Variants in RNF185 observed in about 807,000 individuals in gnomAD.
RNF185 encodes the protein E3 ubiquitin-protein ligase RNF185.
In RNF185, 13 loss-of-function variants were observed where a neutral mutation model predicts 24.9. The ratio of observed to expected loss-of-function variants is 0.52; its 90% CI spans 0.34 to 0.83. The LOEUF (loss-of-function observed/expected upper bound fraction) is 0.83, where lower values mean the gene tolerates loss of function less well. Ranked by LOEUF, RNF185 falls within the 40% of genes least tolerant of loss-of-function variation. The pLI, the probability that RNF185 is intolerant of heterozygous loss-of-function variation, is 0.01. For missense variants in RNF185, 184 were observed against 244.7 expected, an observed-to-expected ratio of 0.75 and a Z score of 1.65; for synonymous variants, 79 against 90.3, an observed-to-expected ratio of 0.88 and a Z score of 0.71.
At position 31,204,498 on chromosome 22, in the gene RNF185, G is replaced by A; in HGVS notation, c.491G>A (p.Gly164Glu). Residue 164 changes from glycine to glutamate, a missense_variant, in exon 7 of 7, where the codon GGG becomes GAG. Transcript: ENST00000326132. The part of the protein sequence containing the change: ...NDGRPPPAVP[G>E]TPQYVDEQFL... The stretch of plus-strand genomic sequence containing the variant: ...CTTTCTGTCTCTCCAGCTGTCCCTG[G>A]GACACCCCAGTATGTGGACGAGCAG... The A allele has an allele frequency of 1.2e-6, 2 of 1,608,526 alleles. No individual in the cohort carries two copies. Among genetic ancestry groups the A allele is most frequent in the Non-Finnish European group, 1.7e-6 (2 of 1,175,034 alleles).
intron 1 of RNF185, among the ~76,000 whole-genome samples, chr22:31,184,995 T>TTA (rs1429172684): frequency 1.3e-5 from 2 of 149,802 alleles, no homozygotes; most frequent in Non-Finnish European, 3.0e-5. Flanking sequence ...TTTTTTTTTT[T>TTA]AAAAAGAAAC....
chr22:31,180,676 C>T (rs2048026209), intron 1 of RNF185, among the ~76,000 whole-genome samples: 1 of 152,004 alleles, frequency 6.6e-6, no homozygotes, highest in Non-Finnish European at 1.5e-5. Context: ...CAGGCATGAG[C>T]CACCATGCCT....
chr22:31,177,461 A>G (rs746157344), intron 1 of RNF185, among the ~76,000 whole-genome samples: 2 of 152,120 alleles, frequency 1.3e-5, no homozygotes, highest in Non-Finnish European at 2.9e-5. Flanking sequence ...CTAGGAACCT[A>G]AACACCACTT....
chr22:31,164,732 G>A (rs534707909), intron 1 of RNF185, among the ~76,000 whole-genome samples: 12 of 150,868 alleles, frequency 8.0e-5, no homozygotes, highest in African/African-American at 1.2e-4. Context: ...AATTACAGGC[G>A]TGTGCCACCA....
chr22:31,171,129 A>G (rs2047924773), intron 1 of RNF185, among the ~76,000 whole-genome samples: 1 of 149,938 alleles, frequency 6.7e-6, no homozygotes, highest in Non-Finnish European at 1.5e-5. Flanking sequence ...CTCCTTGAGC[A>G]CAGGAACCAG....
intron 1 of RNF185, among the ~76,000 whole-genome samples, chr22:31,160,984 T>C (rs1158798284): frequency 1.3e-5 from 2 of 152,216 alleles, no homozygotes; most frequent in Non-Finnish European, 2.9e-5. Context: ...CATTCTTCGC[T>C]TTGAGGCAGC....
rs1272585953 is a variant in RNF185 at position 31,160,227 on chromosome 22, A to T, written c.-125A>T. The T allele has an allele frequency of 6.6e-6, 1 of 150,670 alleles. No individual in the cohort carries two copies. The highest frequency in any genetic ancestry group is 1.5e-5 in the Non-Finnish European group (1 of 67,514). The allele number at this position is 150,670 out of a possible 1,614,324, so 9.3% of individuals were successfully genotyped here. ...GGAGGGGTCGGAGGTCTTACCCAAC[A>T]GATTGACGCGGCGTTAGTATTGGCC... On this transcript the variant is annotated 5_prime_UTR_variant, in exon 1 of 7. Transcript: ENST00000326132.
Position 31,195,494 on chromosome 22 carries a change from A to G in RNF185, c.221A>G (p.Gln74Arg), listed in dbSNP as rs1187229076. ...HQWLETRPNR[Q>R]VCPVCKAGIS... The stretch of plus-strand genomic sequence containing the variant: ...TGGTTGGAGACCAGACCTAACAGAC[A>G]GGTGTGTCCTGTTTGCAAAGCTGGC... Residue 74 changes from glutamine to arginine, a missense_variant, in exon 4 of 7, where the codon CAG becomes CGG. Coordinates refer to ENST00000326132, the MANE Select transcript of RNF185 (RefSeq NM_152267.4). 5.6e-6 allele frequency: 9 copies of G among 1,609,220 alleles called. No homozygotes were observed. The highest frequency in any genetic ancestry group is 7.6e-6 in the Non-Finnish European group (9 of 1,177,984).
intron 2 of RNF185, among the ~76,000 whole-genome samples, chr22:31,191,249 C>T (rs191414634): frequency 6.6e-6 from 1 of 152,298 alleles, no homozygotes; most frequent in African/African-American, 2.4e-5. Flanking sequence ...GGGAACTTGC[C>T]AGTGGAGATC....
chr22:31,199,485 T>C (rs561077266), intron 5 of RNF185, among the ~76,000 whole-genome samples: 2 of 152,320 alleles, frequency 1.3e-5, no homozygotes, highest in African/African-American at 4.8e-5. Flanking sequence ...TTGACCAAAG[T>C]GCATACCTCT....
chr22:31,194,296 G>C (rs1000414298), intron 3 of RNF185, among the ~76,000 whole-genome samples: 5 of 152,094 alleles, frequency 3.3e-5, no homozygotes, highest in Admixed American at 3.3e-4. Flanking sequence ...AAAAATCAAT[G>C]AAAGTACACA....
rs552333884 is a variant in RNF185, at chr22:31,202,019, T to C, written c.481+404T>C. On this transcript the variant is annotated intron_variant, in intron 6 of 6. Transcript: ENST00000326132. ...CACATTTACTTCCCACTTTGACCAT[T>C]TGGGGGCCTGGAAATGTGAGATGAC... Among the ~76,000 whole-genome samples the C allele has an allele frequency of 6.6e-5, 10 of 152,256 alleles. No homozygotes were observed. In the Middle Eastern group the frequency reaches 0.01, roughly 155 times the overall value.
intron 4 of RNF185, 146 bp downstream of exon 4, chr22:31,195,727 GA>G (rs2048199800): frequency 3.2e-6 from 2 of 619,754 alleles, no homozygotes; most frequent in Admixed American, 5.7e-5. Context: ...AGTCAGCTAG[GA>G]GGGGAGGGAA....
intron 4 of RNF185, 113 bp downstream of exon 4, chr22:31,195,694 C>T (rs1298629444): frequency 8.6e-6 from 6 of 695,636 alleles, no homozygotes; most frequent in African/African-American, 3.6e-5. Flanking sequence ...CTCTTGGTTT[C>T]GAAGCAGTCT....
intron 3 of RNF185, among the ~76,000 whole-genome samples, chr22:31,193,405 G>A (rs2048174096): frequency 2.0e-5 from 3 of 152,158 alleles, no homozygotes; most frequent in African/African-American, 7.2e-5. Context: ...ATTAAGTTTT[G>A]GAGCTATGAA....
At chr22:31,166,771 T>C (rs1284486777) in intron 1 of RNF185, among the ~76,000 whole-genome samples, 1 of 152,032 alleles carries the variant, frequency 6.6e-6, no homozygotes, top group Non-Finnish European at 1.5e-5. Flanking sequence ...TGCCTCAGCC[T>C]CCCGAGTAGC....
intron 2 of RNF185, 92 bp from the exon 3 acceptor site, chr22:31,192,592 C>T: frequency 1.0e-5 from 11 of 1,053,012 alleles, no homozygotes; most frequent in Non-Finnish European, 1.5e-5. Context: ...TACCACTCCA[C>T]CCATCAAGTG....
chr22:31,176,431 C>T (rs1181963306), intron 1 of RNF185, among the ~76,000 whole-genome samples: 1 of 150,628 alleles, frequency 6.6e-6, no homozygotes, highest in East Asian at 2.0e-4. Flanking sequence ...TGACCCACCG[C>T]ACCTGGCCAC....
intron 1 of RNF185, among the ~76,000 whole-genome samples, chr22:31,171,256 G>A (rs575156660): frequency 1.3e-3 from 202 of 151,400 alleles, no homozygotes; most frequent in Non-Finnish European, 2.2e-3. Context: ...TGCAACCTCC[G>A]CCTCCTTGGG....
Sources: gnomAD v4.1 joint callset for allele counts (sites outside exome capture counted in the v4.1 genomes callset) on GRCh38, gnomAD v4.1.1 for gene constraint, MANE v1.5 for transcripts, NCBI Gene and HGNC (gene_info 2026-07-23, HGNC 2026-07-21) for gene names.